CNTN3: variants seen among roughly 807,000 people sequenced by gnomAD.
CNTN3 encodes the protein contactin-3.
A neutral mutation model predicts 119.1 loss-of-function variants in CNTN3; 60 were observed. The ratio of observed to expected loss-of-function variants is 0.50; its 90% CI spans 0.41 to 0.62. The LOEUF is 0.62. Ranked by LOEUF, CNTN3 falls within the 20% of genes least tolerant of loss-of-function variation. The pLI is 0.00. For synonymous variants in CNTN3, 450 were observed against 438.7 expected, an observed-to-expected ratio of 1.03 and a Z score of -0.32; for missense variants, 1,101 against 1,242.4, an observed-to-expected ratio of 0.89 and a Z score of 1.71.
At chr3:74,286,691 A>C (rs1404976065) in intron 19 of CNTN3, among the ~76,000 whole-genome samples, 1 of 152,230 alleles carries the variant, frequency 6.6e-6, no homozygotes, top group Non-Finnish European at 1.5e-5. Context: ...GAAACGCAGC[A>C]ATTTTCCTAT....
intron 3 of CNTN3, among the ~76,000 whole-genome samples, chr3:74,487,014 T>C (rs532459681): frequency 2.0e-5 from 3 of 152,306 alleles, no homozygotes; most frequent in African/African-American, 7.2e-5. Flanking sequence ...AAACAGCACA[T>C]TTCTTTGATT....
chr3:74,329,415 A>G (rs1461623302), intron 13 of CNTN3, among the ~76,000 whole-genome samples: 2 of 152,142 alleles, frequency 1.3e-5, no homozygotes, highest in African/African-American at 4.8e-5. Flanking sequence ...GGCTCTAGAC[A>G]TTCTTTATTT....
At chr3:74,503,742 A>T (rs1008841567) in intron 2 of CNTN3, among the ~76,000 whole-genome samples, 2 of 152,144 alleles carry the variant, frequency 1.3e-5, no homozygotes, top group Non-Finnish European at 2.9e-5. Flanking sequence ...TCAACGTAAC[A>T]TTCGGATTGA....
intron 5 of CNTN3, among the ~76,000 whole-genome samples, chr3:74,384,822 T>A (rs1458274044): frequency 6.6e-6 from 1 of 152,220 alleles, no homozygotes; most frequent in African/African-American, 2.4e-5. Flanking sequence ...ATATGCTGTA[T>A]AGGGCTCTGG....
intron 1 of CNTN3, among the ~76,000 whole-genome samples, chr3:74,568,305 T>C (rs1704257975): frequency 6.6e-6 from 1 of 152,222 alleles, no homozygotes; most frequent in Non-Finnish European, 1.5e-5. Context: ...AGCACATGTA[T>C]ATGTGTTTGG....
intron 1 of CNTN3, among the ~76,000 whole-genome samples, chr3:74,524,172 T>C (rs1703582756): frequency 6.6e-6 from 1 of 152,058 alleles, no homozygotes; most frequent in South Asian, 2.1e-4. Context: ...CAAGATAACA[T>C]GTACATTGGT....
chr3:74,519,523 C>T (rs1238894440), intron 2 of CNTN3, among the ~76,000 whole-genome samples: 2 of 151,704 alleles, frequency 1.3e-5, no homozygotes, highest in African/African-American at 4.8e-5. Flanking sequence ...CTTCCTCTTT[C>T]TGAGTATGTC....
chr3:74,578,164 T>C (rs905267116), intron 1 of CNTN3, among the ~76,000 whole-genome samples: 3 of 151,924 alleles, frequency 2.0e-5, no homozygotes, highest in African/African-American at 2.4e-5. Context: ...AGTAAGTTAT[T>C]AGCAGAGGTA....
intron 1 of CNTN3, among the ~76,000 whole-genome samples, chr3:74,589,721 T>C (rs1354719615): frequency 3.9e-4 from 59 of 150,888 alleles, no homozygotes; most frequent in African/African-American, 1.4e-3. Context: ...TGTCCAACAA[T>C]GATAGAATGG....
chr3:74,274,708 T>A (rs547309044), intron 20 of CNTN3, among the ~76,000 whole-genome samples: 1 of 152,110 alleles, frequency 6.6e-6, no homozygotes, highest in Admixed American at 6.5e-5. Context: ...TGAGGAGGAA[T>A]CAGAAAAACA....
intron 1 of CNTN3, among the ~76,000 whole-genome samples, chr3:74,612,774 C>T (rs573010316): frequency 1.3e-5 from 2 of 152,246 alleles, no homozygotes; most frequent in Non-Finnish European, 2.9e-5. Context: ...ATTCAAAGAC[C>T]AATAATTCCC....
Position 74,584,356 on chromosome 3 carries a change from A to G in CNTN3, c.-81+30035T>C, listed in dbSNP as rs1704560206. Among the ~76,000 whole-genome samples the G allele has an allele frequency of 3.3e-5, 5 of 152,240 alleles. No homozygotes were observed. In the South Asian group the frequency reaches 1.0e-3, roughly 32 times the overall value. ...TTGATATTTGTCCCTTCTAAATCTC[A>G]TATTAAGATTTTATCCCCAATGTAG... On this transcript the variant is annotated intron_variant, in intron 1 of 22. Transcript: ENST00000263665.
At chr3:74,426,698 CAT>C (rs1222399315) in intron 4 of CNTN3, among the ~76,000 whole-genome samples, 3 of 152,182 alleles carry the variant, frequency 2.0e-5, no homozygotes. Flanking sequence ...GATACAATAA[CAT>C]AGCGTTGTAT....
chr3:74,365,588 T>TG lies in CNTN3; in HGVS notation c.1060_1061insC (p.Asn354ThrfsTer27). On this transcript the variant is annotated frameshift_variant, in exon 9 of 23. Coordinates refer to ENST00000263665, the MANE Select transcript of CNTN3 (RefSeq NM_020872.3). LOFTEE classifies it high-confidence loss of function. ...TACCTCTAGCACCAGGGCTGCTCCA[T>TG]TTTTCAGCCATCGGTAGGAAGGCTT... 1 of 1,613,272 alleles carries TG rather than the reference T, an allele frequency of 6.2e-7. No homozygotes were observed. Among genetic ancestry groups the TG allele is most frequent in the Non-Finnish European group, 8.5e-7 (1 of 1,179,456 alleles).
chr3:74,401,248 C>T (rs184676533), intron 5 of CNTN3, among the ~76,000 whole-genome samples: 4 of 152,230 alleles, frequency 2.6e-5, no homozygotes, highest in South Asian at 2.1e-4. Flanking sequence ...CTCAATCACT[C>T]ACAAGATGAG....
At chr3:74,340,896 A>G (rs1417472817) in intron 11 of CNTN3, among the ~76,000 whole-genome samples, 1 of 152,174 alleles carries the variant, frequency 6.6e-6, no homozygotes, top group African/African-American at 2.4e-5. Context: ...CTTCTATGCA[A>G]TGAATTAGTG....
At chr3:74,584,993 CA>C (rs113127634) in intron 1 of CNTN3, among the ~76,000 whole-genome samples, 4,446 of 152,256 alleles carry the variant, frequency 0.029, 85 homozygotes, top group South Asian at 0.041. Flanking sequence ...ACACAGGATC[CA>C]AAGTCCAGAA....
intron 1 of CNTN3, among the ~76,000 whole-genome samples, chr3:74,575,409 G>A (rs1260263795): frequency 6.6e-6 from 1 of 151,586 alleles, no homozygotes; most frequent in Non-Finnish European, 1.5e-5. Flanking sequence ...GTGCCATCAT[G>A]CCTGACTAAT....
chr3:74,302,627 C>T, intron 14 of CNTN3, 63 bp downstream of exon 14: 1 of 956,816 alleles, frequency 1.0e-6, no homozygotes, highest in Non-Finnish European at 1.7e-6. Flanking sequence ...CATGGTTTTT[C>T]CTCCAGTAAG....
Sources: gnomAD v4.1 joint callset for allele counts (sites outside exome capture counted in the v4.1 genomes callset) on GRCh38, gnomAD v4.1.1 for gene constraint, MANE v1.5 for transcripts, NCBI Gene and HGNC (gene_info 2026-07-23, HGNC 2026-07-21) for gene names.